ZNF415: variants seen among roughly 807,000 people sequenced by gnomAD.
ZNF415 encodes zinc finger protein 415.
ZNF415 carries 5 observed loss-of-function variants against 7.3 expected under a neutral mutation model. The observed-to-expected ratio is 0.69, with a 90% CI of 0.36 to 1.44. The LOEUF is 1.44. Among genes scored for constraint, ZNF415 ranks in the 40% most tolerant of loss-of-function variants. The pLI is 0.04. For synonymous variants in ZNF415, 207 were observed against 226.3 expected (o/e 0.91, Z 0.77); for missense variants, 628 against 664.8 (o/e 0.94, Z 0.61).
chr19:53,130,415 T>C (rs73601440), intron 1 of ZNF415, among the ~76,000 whole-genome samples: 1,595 of 151,738 alleles, frequency 0.011, 24 homozygotes, highest in African/African-American at 0.036. Context: ...GATTTTGAAA[T>C]TGTTAAGAAA....
chr19:53,129,540 C>A (rs1457251524), intron 1 of ZNF415: 27 of 402,850 alleles, frequency 6.7e-5, no homozygotes, highest in Non-Finnish European at 3.9e-5. Flanking sequence ...AAATGCACAC[C>A]CAATTTTGCC....
At chr19:53,114,721 A>G (rs1047011787) in intron 3 of ZNF415, among the ~76,000 whole-genome samples, 2 of 152,164 alleles carry the variant, frequency 1.3e-5, no homozygotes, top group Non-Finnish European at 2.9e-5. Flanking sequence ...AGACCTGTCA[A>G]CTGTTCTTAC....
intron 2 of ZNF415, among the ~76,000 whole-genome samples, chr19:53,120,057 C>T (rs1422943152): frequency 1.3e-5 from 2 of 151,410 alleles, no homozygotes; most frequent in African/African-American, 4.9e-5. Context: ...TTCCCGATAT[C>T]AAACCAGAAA....
In ZNF415 at chr19:53,122,743, G is replaced by C; in HGVS notation, c.-67C>G. On this transcript the variant is annotated splice_region_variant and 5_prime_UTR_variant, in exon 2 of 4. Coordinates refer to ENST00000243643, the MANE Select transcript of ZNF415 (RefSeq NM_018355.4). ...GTGCCAGGAGTCTTTGGAAGTCAAT[G>C]CTGAATAACAACAACAAGTGCTGTT... is the stretch of plus-strand genomic sequence containing the variant. 6.2e-7 allele frequency: 1 copy of C among 1,606,818 alleles called. No homozygotes were observed. Among genetic ancestry groups the C allele is most frequent in the Non-Finnish European group, 8.5e-7 (1 of 1,174,076 alleles).
chr19:53,122,325 G>C, intron 2 of ZNF415: 2 of 1,393,476 alleles, frequency 1.4e-6, no homozygotes, highest in East Asian at 5.0e-5. Flanking sequence ...CCTGGGCTAC[G>C]GAGAGCCGAC....
chr19:53,126,212 G>A (rs1336287867), intron 1 of ZNF415, among the ~76,000 whole-genome samples: 3 of 151,216 alleles, frequency 2.0e-5, no homozygotes, highest in Non-Finnish European at 2.9e-5. Flanking sequence ...CAGCTGAGGG[G>A]CAGAGCCAAG....
intron 1 of ZNF415, among the ~76,000 whole-genome samples, chr19:53,127,519 G>GACT (rs1279066621): frequency 2.6e-5 from 4 of 152,118 alleles, no homozygotes; most frequent in Non-Finnish European, 5.9e-5. Flanking sequence ...GTGCCCCAAT[G>GACT]AGATCCTAAT....
Position 53,108,604 on chromosome 19 carries a change from A to C in ZNF415, c.1441T>G (p.Ser481Ala). The change falls in exon 4 of 4, where the codon TCA becomes GCA. Residue 481 changes from serine (S) to alanine (A), a missense_variant. By Grantham distance (99) the Ser-to-Ala change is moderately conservative. Transcript: ENST00000243643. ...NQCGKGFSVHSSLTTHQVIHT... is the reference protein window; with the variant it reads ...NQCGKGFSVHASLTTHQVIHT... ...ATGACCTGATGGGTAGTTAGGCTTG[A>C]ATGCACACTGAAGCCTTTGCCACAT... 6.2e-7 allele frequency: 1 copy of C among 1,614,142 alleles called. No homozygotes were observed. Among genetic ancestry groups the C allele is most frequent in the African/African-American group, 1.3e-5 (1 of 75,040 alleles).
At chr19:53,125,249 G>A (rs1239094963) in intron 1 of ZNF415, among the ~76,000 whole-genome samples, 1 of 151,796 alleles carries the variant, frequency 6.6e-6, no homozygotes, top group Non-Finnish European at 1.5e-5. Flanking sequence ...TCACCATGTT[G>A]GCCAGGATGG....
intron 1 of ZNF415, among the ~76,000 whole-genome samples, chr19:53,127,860 A>G (rs1601315683): frequency 6.9e-6 from 1 of 145,154 alleles, no homozygotes; most frequent in East Asian, 2.0e-4. Context: ...CTGCCAACAG[A>G]GCGAGACACC....
At chr19:53,123,707 A>G (rs1568590089) in intron 1 of ZNF415, 1 of 398,304 alleles carries the variant, frequency 2.5e-6, no homozygotes, top group Non-Finnish European at 4.4e-6. Flanking sequence ...TTTCTCCCAC[A>G]CCTCAAAAGA....
At position 53,131,063 on chromosome 19, in the gene ZNF415, C is replaced by CTTT. The variant is rs59835974; in HGVS notation, c.-68+1790_-68+1792dup. Among the ~76,000 whole-genome samples, 32 of 51,596 alleles carry CTTT rather than the reference C, an allele frequency of 6.2e-4. 1 individual carries two copies. The highest frequency in any genetic ancestry group is 2.6e-3 in the African/African-American group (32 of 12,508). 33.8% of individuals were successfully genotyped at this position (51,596 alleles called of 152,430 possible). On this transcript the variant is annotated intron_variant, in intron 1 of 3. Transcript: ENST00000243643. ...AAAACATTTTGAGATTTTCTTGCAA[C>CTTT]TTTTTTTTTTTTTTTTTTTTTTTTT... is the stretch of plus-strand genomic sequence containing the variant.
intron 2 of ZNF415, among the ~76,000 whole-genome samples, chr19:53,119,316 G>A (rs78668408): frequency 0.021 from 3,169 of 151,118 alleles, 105 homozygotes; most frequent in African/African-American, 0.072. Context: ...AGCCAGGTAT[G>A]TGCCTGTAAT....
At chr19:53,129,682 G>A (rs1183642418) in intron 1 of ZNF415, 2 of 398,838 alleles carry the variant, frequency 5.0e-6, no homozygotes. Flanking sequence ...TCTGAGTTGA[G>A]TGAGAAGGAG....
intron 1 of ZNF415, chr19:53,129,741 G>A (rs1661927): frequency 1 from 397,185 of 397,404 alleles, 198,485 homozygotes; most frequent in Middle Eastern, 1. Flanking sequence ...CCAATGGGCT[G>A]TGTTTGCCTT....
chr19:53,123,035 T>C (rs1480911825), intron 1 of ZNF415, among the ~76,000 whole-genome samples: 1 of 152,098 alleles, frequency 6.6e-6, no homozygotes, highest in Non-Finnish European at 1.5e-5. Context: ...ACAGCCCCCT[T>C]TCCCTCTCTG....
At chr19:53,113,845 T>C (rs1288015165) in intron 3 of ZNF415, among the ~76,000 whole-genome samples, 2 of 152,218 alleles carry the variant, frequency 1.3e-5, no homozygotes, top group Non-Finnish European at 2.9e-5. Context: ...AGTTTATGTG[T>C]CCAGCGCTGT....
rs543794960 is a variant in ZNF415, at chr19:53,132,539, G to A, written c.-68+317C>T. ...GCTGCAGCTGCGGCGCTGCGCTCCA[G>A]GGGCCGACGAGGGCAAGGCTGGGAG... On this transcript the variant is annotated intron_variant, in intron 1 of 3. Transcript: ENST00000243643. Among the ~76,000 whole-genome samples, 14 of 152,324 alleles carry A rather than the reference G, an allele frequency of 9.2e-5. No homozygotes were observed. In the South Asian group the frequency reaches 2.9e-3, roughly 32 times the overall value.
chr19:53,127,604 C>T (rs546997776), intron 1 of ZNF415, among the ~76,000 whole-genome samples: 367 of 152,286 alleles, frequency 2.4e-3, no homozygotes, highest in Non-Finnish European at 4.4e-3. Context: ...ATCGGCCGGG[C>T]GTGGTGGCTC....
Sources: allele counts gnomAD v4.1 joint callset (sites outside exome capture counted in the v4.1 genomes callset), GRCh38; gene constraint gnomAD v4.1.1; transcripts MANE v1.5; gene names NCBI Gene and HGNC (gene_info 2026-07-23, HGNC 2026-07-21).